Variants in SCFD2 observed in about 807,000 individuals in gnomAD.
SCFD2 encodes the protein sec1 family domain containing 2, also known as sec1 family domain-containing protein 2.
SCFD2 carries 54 observed loss-of-function variants against 58.9 expected under a neutral mutation model. The observed-to-expected ratio is 0.92, with a 90% confidence interval of 0.74 to 1.15. SCFD2 has a LOEUF of 1.15. SCFD2 is among the 50% of genes most tolerant of loss of function. The pLI is 0.00. For missense variants in SCFD2, 805 were observed against 836.6 expected, an observed-to-expected ratio of 0.96 and a Z score of 0.47; for synonymous variants, 321 against 335.9, an observed-to-expected ratio of 0.96 and a Z score of 0.49.
intron 4 of SCFD2, among the ~76,000 whole-genome samples, chr4:53,269,789 C>A (rs1731104060): frequency 6.6e-6 from 1 of 152,170 alleles, no homozygotes; most frequent in Non-Finnish European, 1.5e-5. Context: ...CACTGGGAGG[C>A]CAAGGCGGGC....
At chr4:52,894,565 T>A (rs950144779) in intron 7 of SCFD2, among the ~76,000 whole-genome samples, 1 of 152,214 alleles carries the variant, frequency 6.6e-6, no homozygotes, top group South Asian at 2.1e-4. Context: ...AGCTTTCCTC[T>A]AAGGAGCTCA....
chr4:52,984,712 T>TTAAA (rs1721450399), intron 5 of SCFD2, among the ~76,000 whole-genome samples: 1 of 152,198 alleles, frequency 6.6e-6, no homozygotes, highest in Non-Finnish European at 1.5e-5. Flanking sequence ...CTGAAGTCAT[T>TTAAA]TGTCATCCAA....
At chr4:53,301,192 T>C (rs1397899750) in intron 3 of SCFD2, among the ~76,000 whole-genome samples, 2 of 152,032 alleles carry the variant, frequency 1.3e-5, no homozygotes, top group Admixed American at 6.5e-5. Context: ...ACAAAATTGA[T>C]AGACCGCTAG....
chr4:53,231,565 T>C (rs1324523984), intron 4 of SCFD2, among the ~76,000 whole-genome samples: 2 of 152,182 alleles, frequency 1.3e-5, no homozygotes, highest in East Asian at 3.8e-4. Context: ...CACACTCAAT[T>C]ATTCCTATAC....
chr4:53,038,296 T>C (rs1354372530), intron 5 of SCFD2, among the ~76,000 whole-genome samples: 2 of 151,898 alleles, frequency 1.3e-5, no homozygotes, highest in Non-Finnish European at 2.9e-5. Context: ...CCTCCTGGAG[T>C]TGGCAAATCC....
chr4:53,102,611 A>C (rs1459857108), intron 5 of SCFD2, among the ~76,000 whole-genome samples: 3 of 152,108 alleles, frequency 2.0e-5, no homozygotes, highest in Non-Finnish European at 4.4e-5. Context: ...ATAAAATTAC[A>C]TTAAAATATG....
At chr4:53,264,653 A>C (rs1315533732) in intron 4 of SCFD2, among the ~76,000 whole-genome samples, 1 of 152,236 alleles carries the variant, frequency 6.6e-6, no homozygotes, top group Non-Finnish European at 1.5e-5. Flanking sequence ...TCATATTTCC[A>C]AGCCAAGCCA....
chr4:53,015,615 T>C (rs1722192587), intron 5 of SCFD2, among the ~76,000 whole-genome samples: 1 of 152,060 alleles, frequency 6.6e-6, no homozygotes, highest in South Asian at 2.1e-4. Flanking sequence ...ATAACTTGAG[T>C]GTACCCAACC....
intron 5 of SCFD2, among the ~76,000 whole-genome samples, chr4:53,088,875 A>G (rs539785843): frequency 3.4e-4 from 51 of 152,234 alleles, no homozygotes; most frequent in Middle Eastern, 3.4e-3. Flanking sequence ...CAAAATTCAT[A>G]TGTTGAAATA....
intron 4 of SCFD2, among the ~76,000 whole-genome samples, chr4:53,171,346 C>A (rs1373123475): frequency 6.6e-6 from 1 of 152,226 alleles, no homozygotes; most frequent in Non-Finnish European, 1.5e-5. Flanking sequence ...ACCATGCTTG[C>A]ATCCCAGGGA....
intron 5 of SCFD2, among the ~76,000 whole-genome samples, chr4:52,925,058 C>G (rs6844545): frequency 0.036 from 5,441 of 152,174 alleles, 357 homozygotes; most frequent in African/African-American, 0.12. Context: ...ATTTAATCTC[C>G]ACAGACACCT....
At chr4:53,143,257 A>G (rs1726222244) in intron 5 of SCFD2, among the ~76,000 whole-genome samples, 1 of 152,204 alleles carries the variant, frequency 6.6e-6, no homozygotes, top group Non-Finnish European at 1.5e-5. Flanking sequence ...CTATCCAAAT[A>G]ACCTAGGTTA....
intron 4 of SCFD2, among the ~76,000 whole-genome samples, chr4:53,221,999 A>G (rs1277798166): frequency 6.6e-6 from 1 of 152,240 alleles, no homozygotes; most frequent in Non-Finnish European, 1.5e-5. Flanking sequence ...ACTTTGAATG[A>G]GTCAAATTTC....
intron 5 of SCFD2, among the ~76,000 whole-genome samples, chr4:53,059,894 A>C (rs1299260577): frequency 6.6e-6 from 1 of 152,162 alleles, no homozygotes; most frequent in African/African-American, 2.4e-5. Flanking sequence ...AATTTTATGC[A>C]GTAAAAAATC....
At chr4:53,140,370 TAAAAA>T (rs1315276408) in intron 5 of SCFD2, among the ~76,000 whole-genome samples, 1 of 92,186 alleles carries the variant, frequency 1.1e-5, no homozygotes, top group East Asian at 2.8e-4. Context: ...ATGAGTAAAA[TAAAAA>T]GAACACCAAA....
chr4:52,928,143 T>A (rs201671442), intron 5 of SCFD2, among the ~76,000 whole-genome samples: 2 of 152,074 alleles, frequency 1.3e-5, no homozygotes, highest in East Asian at 1.9e-4. Context: ...GAGACCAGCC[T>A]GGGCAACATA....
intron 1 of SCFD2, among the ~76,000 whole-genome samples, chr4:53,360,098 T>G (rs1368593334): frequency 6.6e-6 from 1 of 152,226 alleles, no homozygotes; most frequent in African/African-American, 2.4e-5. Flanking sequence ...TTTTACTCAC[T>G]AATACAGAAG....
chr4:52,975,785 A>G (rs1481576029), intron 5 of SCFD2, among the ~76,000 whole-genome samples: 5 of 152,308 alleles, frequency 3.3e-5, no homozygotes, highest in Non-Finnish European at 7.3e-5. Context: ...AATGTCCAAC[A>G]ATGATAGACT....
chr4:53,076,194 T>C (rs1723968595), intron 5 of SCFD2, among the ~76,000 whole-genome samples: 1 of 152,200 alleles, frequency 6.6e-6, no homozygotes, highest in Non-Finnish European at 1.5e-5. Flanking sequence ...AACTTTTCAC[T>C]TGGACATCTG....
Sources: gnomAD v4.1 joint callset for allele counts (sites outside exome capture counted in the v4.1 genomes callset) on GRCh38, gnomAD v4.1.1 for gene constraint, MANE v1.5 for transcripts, NCBI Gene and HGNC (gene_info 2026-07-23, HGNC 2026-07-21) for gene names.